ACOXL: variants seen among roughly 807,000 people sequenced by gnomAD.
ACOXL encodes acyl-coenzyme A oxidase-like protein.
ACOXL carries 70 observed loss-of-function variants against 71.9 expected under a neutral mutation model. The ratio of observed to expected loss-of-function variants is 0.97; its 90% CI spans 0.80 to 1.19. The LOEUF is 1.19. ACOXL is among the 50% of genes most tolerant of loss of function. The pLI is 0.00. For missense variants in ACOXL, 703 were observed against 736.3 expected (o/e 0.95, Z 0.52); for synonymous variants, 253 against 281.6 (o/e 0.90, Z 1.02).
chr2:110,915,307 A>C (rs2059798173), intron 11 of ACOXL, among the ~76,000 whole-genome samples: 1 of 139,202 alleles, frequency 7.2e-6, no homozygotes, highest in Non-Finnish European at 1.5e-5. Flanking sequence ...CCAAATTTGC[A>C]TTCTTTGAAA....
chr2:111,106,879 T>G (rs1158846126), intron 17 of ACOXL, among the ~76,000 whole-genome samples: 2 of 152,178 alleles, frequency 1.3e-5, no homozygotes, highest in African/African-American at 4.8e-5. Context: ...GAAAGCCACA[T>G]TACGGTTCCC....
chr2:111,052,925 G>T (rs1345446880), intron 16 of ACOXL, among the ~76,000 whole-genome samples: 2 of 152,098 alleles, frequency 1.3e-5, no homozygotes, highest in African/African-American at 2.4e-5. Flanking sequence ...AAGTTTCCAT[G>T]TGTCTGTTCA....
intron 2 of ACOXL, among the ~76,000 whole-genome samples, chr2:110,783,269 CT>C (rs1683563093): frequency 6.6e-6 from 1 of 152,136 alleles, no homozygotes; most frequent in Admixed American, 6.5e-5. Context: ...CTAAAAGAGT[CT>C]GCAACTATCT....
intron 15 of ACOXL, among the ~76,000 whole-genome samples, chr2:111,040,987 GA>G (rs754933342): frequency 7.9e-5 from 12 of 152,110 alleles, no homozygotes; most frequent in Non-Finnish European, 1.8e-4. Flanking sequence ...CTGAGGACAG[GA>G]ACTGAGGAGC....
intron 12 of ACOXL, among the ~76,000 whole-genome samples, chr2:110,954,298 C>T (rs1298529397): frequency 6.6e-6 from 1 of 152,146 alleles, no homozygotes; most frequent in Non-Finnish European, 1.5e-5. Context: ...CTGAATCTAC[C>T]TTGACAATCT....
chr2:110,963,815 C>T, intron 12 of ACOXL: 4 of 1,498,294 alleles, frequency 2.7e-6, no homozygotes, highest in Non-Finnish European at 3.6e-6. Flanking sequence ...TTGGCAGGTG[C>T]TTTCCTGTTA....
At chr2:110,914,553 TAGTC>T (rs2059768613) in intron 11 of ACOXL, among the ~76,000 whole-genome samples, 2 of 152,372 alleles carry the variant, frequency 1.3e-5, no homozygotes, top group African/African-American at 2.4e-5. Flanking sequence ...ATTTACTTAT[TAGTC>T]ATTTATTTGT....
intron 10 of ACOXL, among the ~76,000 whole-genome samples, chr2:110,875,804 A>T (rs759264056): frequency 6.6e-6 from 1 of 152,034 alleles, no homozygotes; most frequent in Non-Finnish European, 1.5e-5. Context: ...TTCCACCCTT[A>T]TGGCACCTAA....
intron 17 of ACOXL, among the ~76,000 whole-genome samples, chr2:111,094,783 T>A (rs1384857702): frequency 6.6e-6 from 1 of 152,232 alleles, no homozygotes; most frequent in African/African-American, 2.4e-5. Context: ...ACAGTGCTTC[T>A]GCTCAATGTG....
intron 14 of ACOXL, among the ~76,000 whole-genome samples, chr2:111,014,448 T>G (rs1436335635): frequency 6.6e-6 from 1 of 152,202 alleles, no homozygotes; most frequent in Non-Finnish European, 1.5e-5. Flanking sequence ...CACTAAAGAC[T>G]ACGTAACACC....
chr2:110,995,958 G>A lies in ACOXL; in HGVS notation c.1235G>A (p.Arg412His), dbSNP rs139040872. The A allele has an allele frequency of 2.3e-4, 368 of 1,607,600 alleles. 1 individual carries two copies. Among genetic ancestry groups the A allele is most frequent in the South Asian group, 5.2e-4 (47 of 91,070 alleles). The part of the protein sequence containing the change: ...LAFLLKAVKF[R>H]ERVLQRGLVA... ...TTTCTGTTGAAAGCAGTGAAATTTC[G>A]TGAAAGGGTTCTTCAGCGGGGTTTG... is the stretch of plus-strand genomic sequence containing the variant. The change falls in exon 14 of 18, where the codon CGT becomes CAT. Residue 412 changes from arginine (R) to histidine (H), a missense_variant. Coordinates refer to ENST00000439055, the MANE Select transcript of ACOXL (RefSeq NM_001142807.4).
At chr2:110,888,200 G>A (rs1218641581) in intron 10 of ACOXL, among the ~76,000 whole-genome samples, 2 of 152,170 alleles carry the variant, frequency 1.3e-5, no homozygotes, top group East Asian at 1.9e-4. Context: ...TCAGTGGGTC[G>A]TATACCATCA....
In ACOXL at chr2:111,117,898, C is replaced by G. The variant is rs1172416620; in HGVS notation, c.*82C>G. On this transcript the variant is annotated 3_prime_UTR_variant, in exon 18 of 18. Coordinates refer to ENST00000439055, the MANE Select transcript of ACOXL (RefSeq NM_001142807.4). The stretch of plus-strand genomic sequence containing the variant: ...CGACGCCCAGAGCTGTGGCCGAGGC[C>G]GGGGGCTGGCACCCGCTGGGCCGCC... 7.0e-7 allele frequency: 1 copy of G among 1,428,342 alleles called. No homozygotes were observed. Among genetic ancestry groups the G allele is most frequent in the Non-Finnish European group, 9.3e-7 (1 of 1,076,150 alleles). 88.5% of individuals were successfully genotyped at this position (1,428,342 alleles called of 1,614,324 possible). A position where few individuals can be genotyped will look rare whatever the true frequency, so the allele number is the denominator to read the frequency against.
intron 10 of ACOXL, among the ~76,000 whole-genome samples, chr2:110,864,387 A>G (rs1336117506): frequency 6.6e-6 from 1 of 152,086 alleles, no homozygotes; most frequent in Non-Finnish European, 1.5e-5. Flanking sequence ...CAAAGGGTAG[A>G]CTCAGGCTTC....
chr2:110,951,975 T>C (rs1173018160), intron 12 of ACOXL, among the ~76,000 whole-genome samples: 1 of 152,234 alleles, frequency 6.6e-6, no homozygotes, highest in Non-Finnish European at 1.5e-5. Flanking sequence ...AGTTTGGATA[T>C]CCAGGCTACA....
chr2:110,837,507 G>C (rs983015083), intron 9 of ACOXL, among the ~76,000 whole-genome samples: 12 of 152,010 alleles, frequency 7.9e-5, no homozygotes, highest in African/African-American at 2.7e-4. Flanking sequence ...AAATCTACGT[G>C]GTGCTTTATA....
chr2:110,842,411 A>G (rs1691287742), intron 10 of ACOXL, among the ~76,000 whole-genome samples: 1 of 152,218 alleles, frequency 6.6e-6, no homozygotes, highest in Non-Finnish European at 1.5e-5. Context: ...GCCCATTGCT[A>G]GGTGCATGGC....
intron 17 of ACOXL, among the ~76,000 whole-genome samples, chr2:111,097,465 C>T (rs1411864253): frequency 2.0e-5 from 3 of 152,210 alleles, no homozygotes; most frequent in Non-Finnish European, 4.4e-5. Context: ...ACCATCAGAA[C>T]AACAACCACA....
At chr2:110,791,039 C>T (rs755518219) in intron 3 of ACOXL, among the ~76,000 whole-genome samples, 18 of 152,282 alleles carry the variant, frequency 1.2e-4, no homozygotes, top group Non-Finnish European at 2.1e-4. Flanking sequence ...GCCCATGCCC[C>T]TCCCAGAAGG....
Sources: allele counts gnomAD v4.1 joint callset (sites outside exome capture counted in the v4.1 genomes callset), GRCh38; gene constraint gnomAD v4.1.1; transcripts MANE v1.5; gene names NCBI Gene and HGNC (gene_info 2026-07-23, HGNC 2026-07-21).